Variants in DGKI observed in about 807,000 individuals in gnomAD.
DGKI encodes DAG kinase iota.
Under a neutral mutation model 147.5 loss-of-function variants are expected in DGKI, and 55 were observed. That is an observed-to-expected ratio of 0.37 (90% CI 0.30 to 0.47). The LOEUF is 0.47. Among genes scored for constraint, DGKI ranks in the 20% least tolerant of loss-of-function variants. The pLI, the probability that DGKI is intolerant of heterozygous loss-of-function variation, is 1.00. For synonymous variants in DGKI, 469 were observed against 477.1 expected (o/e 0.98, Z 0.22); for missense variants, 1,007 against 1,323.8 (o/e 0.76, Z 3.71).
At chr7:137,782,237 C>T (rs1027260016) in intron 1 of DGKI, among the ~76,000 whole-genome samples, 3 of 152,124 alleles carry the variant, frequency 2.0e-5, no homozygotes, top group African/African-American at 7.2e-5. Flanking sequence ...GAAATAGACT[C>T]GGTGCTGTCG....
chr7:137,476,670 AT>A (rs1298828985), intron 23 of DGKI, among the ~76,000 whole-genome samples: 1 of 152,114 alleles, frequency 6.6e-6, no homozygotes, highest in Non-Finnish European at 1.5e-5. Context: ...TCGTTTTGTT[AT>A]TAAGAAGGCT....
In DGKI at chr7:137,609,588, G is replaced by A. The variant is rs767223112; in HGVS notation, c.1015C>T (p.Arg339Trp). The A allele has an allele frequency of 3.1e-6, 5 of 1,613,120 alleles. No homozygotes were observed. Among genetic ancestry groups the A allele is most frequent in the South Asian group, 2.2e-5 (2 of 91,038 alleles). ...KPQNSLKASNRKKKRTSFKRK... is the reference protein window; with the variant it reads ...KPQNSLKASNWKKKRTSFKRK... The stretch of plus-strand genomic sequence containing the variant: ...TTAAAGCTTGTTCTCTTCTTCTTCC[G>A]ATTTGAAGCCTTCAGGGAGTTCTGT... Residue 339 changes from arginine (R) to tryptophan (W), a missense_variant, in exon 9 of 33, where the codon CGG (arginine) becomes TGG (tryptophan). This residue lies in a region of DGKI where 259 missense variants were observed against 362.5 expected (regional missense o/e 0.71). Coordinates refer to ENST00000614521, the MANE Select transcript of DGKI (RefSeq NM_001321708.2).
intron 1 of DGKI, among the ~76,000 whole-genome samples, chr7:137,785,260 T>C (rs1408528150): frequency 6.6e-6 from 1 of 151,622 alleles, no homozygotes; most frequent in Non-Finnish European, 1.5e-5. Context: ...AGAAAGAAGA[T>C]CCAAATAAGC....
At chr7:137,786,366 C>T (rs1796668979) in intron 1 of DGKI, among the ~76,000 whole-genome samples, 1 of 151,866 alleles carries the variant, frequency 6.6e-6, no homozygotes, top group African/African-American at 2.4e-5. Flanking sequence ...CAATCCCTTT[C>T]GTAATAGCTG....
chr7:137,841,182 A>G (rs1798533754), intron 1 of DGKI, among the ~76,000 whole-genome samples: 2 of 152,204 alleles, frequency 1.3e-5, no homozygotes. Context: ...CCAGCCACCC[A>G]TCACCCCAAG....
intron 1 of DGKI, among the ~76,000 whole-genome samples, chr7:137,723,699 C>CTTTTTTTT (rs769605042): frequency 9.6e-6 from 1 of 104,436 alleles, no homozygotes; most frequent in Non-Finnish European, 1.8e-5. Context: ...CATGATATCC[C>CTTTTTTTT]TTTTTTTTTT....
chr7:137,707,887 G>A (rs768487333), intron 1 of DGKI, among the ~76,000 whole-genome samples: 11 of 152,108 alleles, frequency 7.2e-5, no homozygotes, highest in African/African-American at 9.7e-5. Flanking sequence ...GGATGGTAGC[G>A]TCATGATCCA....
At chr7:137,495,264 A>T (rs1815918852) in intron 21 of DGKI, among the ~76,000 whole-genome samples, 1 of 152,070 alleles carries the variant, frequency 6.6e-6, no homozygotes, top group African/African-American at 2.4e-5. Context: ...GTCCTTGAAT[A>T]GTCCAATAAT....
chr7:137,786,244 C>G (rs1796666654), intron 1 of DGKI, among the ~76,000 whole-genome samples: 1 of 152,040 alleles, frequency 6.6e-6, no homozygotes, highest in African/African-American at 2.4e-5. Flanking sequence ...CAGAAAGCTC[C>G]TAGAACTGGT....
chr7:137,805,390 G>A (rs1331022660), intron 1 of DGKI, among the ~76,000 whole-genome samples: 1 of 152,192 alleles, frequency 6.6e-6, no homozygotes, highest in East Asian at 1.9e-4. Context: ...GCTGTCTGCA[G>A]GGAAGGCATA....
At chr7:137,771,458 T>C (rs1270537730) in intron 1 of DGKI, 1 of 152,188 alleles carries the variant, frequency 6.6e-6, no homozygotes, top group African/African-American at 2.4e-5. Context: ...CATTGCATCA[T>C]AGGTATTCCA....
chr7:137,692,762 G>C (rs1412463295), intron 1 of DGKI, among the ~76,000 whole-genome samples: 1 of 152,166 alleles, frequency 6.6e-6, no homozygotes, highest in African/African-American at 2.4e-5. Context: ...TCTAGCCTGG[G>C]AATAGAAACA....
chr7:137,491,354 G>A (rs186340476), intron 21 of DGKI, among the ~76,000 whole-genome samples: 9 of 152,244 alleles, frequency 5.9e-5, no homozygotes, highest in Admixed American at 4.6e-4. Flanking sequence ...TTCCCCAAAA[G>A]CTGGCAGCCA....
intron 1 of DGKI, among the ~76,000 whole-genome samples, chr7:137,741,201 G>A (rs775484138): frequency 1.3e-5 from 2 of 152,192 alleles, no homozygotes; most frequent in African/African-American, 2.4e-5. Context: ...CACAGGCAAT[G>A]TCTAGCTGAA....
At chr7:137,530,429 C>T (rs558317113) in intron 20 of DGKI, among the ~76,000 whole-genome samples, 1 of 152,250 alleles carries the variant, frequency 6.6e-6, no homozygotes, top group African/African-American at 2.4e-5. Flanking sequence ...TCATCTTGCA[C>T]CTAGGCTAAT....
chr7:137,828,883 A>G (rs1386858230), intron 1 of DGKI, among the ~76,000 whole-genome samples: 2 of 152,222 alleles, frequency 1.3e-5, no homozygotes, highest in African/African-American at 2.4e-5. Flanking sequence ...TAAGAATAAT[A>G]TAAGAATAAG....
intron 3 of DGKI, among the ~76,000 whole-genome samples, chr7:137,658,410 T>C (rs1415268554): frequency 1.3e-5 from 2 of 152,182 alleles, no homozygotes; most frequent in Non-Finnish European, 2.9e-5. Context: ...ATCAGAGTTA[T>C]AGCGACACAA....
At chr7:137,603,708 G>T (rs1820075605) in intron 10 of DGKI, among the ~76,000 whole-genome samples, 2 of 152,184 alleles carry the variant, frequency 1.3e-5, no homozygotes, top group South Asian at 4.1e-4. Context: ...TATCTGAAAT[G>T]TGTCTTGAAA....
In DGKI at chr7:137,678,463, C is replaced by G; in HGVS notation, c.606+94G>C. The G allele has an allele frequency of 6.7e-6, 8 of 1,190,432 alleles. No individual in the cohort carries two copies. In the South Asian group the frequency reaches 9.9e-5, roughly 15 times the overall value. 73.7% of individuals were successfully genotyped at this position (1,190,432 alleles called of 1,614,324 possible). A position where few individuals can be genotyped will look rare whatever the true frequency, so the allele number is the denominator to read the frequency against. On this transcript the variant is annotated intron_variant, in intron 3 of 32. Coordinates refer to ENST00000614521, the MANE Select transcript of DGKI (RefSeq NM_001321708.2). Reference sequence around the variant, plus strand: ...GTTTTCCATCTCACAAGGACAGGCTCGTTCAAACCTCCCCTTGGAAATTTA... The same window carrying G: ...GTTTTCCATCTCACAAGGACAGGCTGGTTCAAACCTCCCCTTGGAAATTTA...
Sources: allele counts gnomAD v4.1 joint callset (sites outside exome capture counted in the v4.1 genomes callset), GRCh38; gene constraint gnomAD v4.1.1; regional missense constraint gnomAD v4.1.1; transcripts MANE v1.5; gene names NCBI Gene and HGNC (gene_info 2026-07-23, HGNC 2026-07-21).